PEX6: variants seen among roughly 807,000 people sequenced by gnomAD.
PEX6 encodes the protein peroxisome biogenesis factor 6.
In PEX6, 55 loss-of-function variants were observed where a neutral mutation model predicts 85.6. The observed-to-expected ratio is 0.64, with a 90% CI of 0.52 to 0.80. The LOEUF (loss-of-function observed/expected upper bound fraction) is 0.80. PEX6 is among the 30% of genes least tolerant of loss of function. PEX6 has a pLI of 0.00. For missense variants in PEX6, 1,099 were observed against 1,260.3 expected, an observed-to-expected ratio of 0.87 and a Z score of 1.94; for synonymous variants, 519 against 549.1, an observed-to-expected ratio of 0.95 and a Z score of 0.77.
chr6:42,972,727 G>A (rs988073778), intron 3 of PEX6, among the ~76,000 whole-genome samples: 5 of 146,528 alleles, frequency 3.4e-5, no homozygotes, highest in East Asian at 2.0e-4. Flanking sequence ...CCAAGATTGC[G>A]CCACTGCACT....
chr6:42,968,513 C>A lies in PEX6; in HGVS notation c.1480-15G>T. On this transcript the variant is annotated splice_polypyrimidine_tract_variant and intron_variant, in intron 6 of 16. Transcript: ENST00000304611. Reference sequence around the variant, plus strand: ...GAGCAGGGCACCTGGGGAGGGGATCCCAATGGGTCTGTGAGCAAGGGGAAA... The same window carrying A: ...GAGCAGGGCACCTGGGGAGGGGATCACAATGGGTCTGTGAGCAAGGGGAAA... 3.9e-6 allele frequency: 6 copies of A among 1,554,524 alleles called. No homozygotes were observed. The highest frequency in any genetic ancestry group is 5.2e-6 in the Non-Finnish European group (6 of 1,147,536).
At chr6:42,976,383 G>A (rs1380269596) in intron 1 of PEX6, among the ~76,000 whole-genome samples, 1 of 151,312 alleles carries the variant, frequency 6.6e-6, no homozygotes, top group African/African-American at 2.4e-5. Flanking sequence ...CTTTTTTTGA[G>A]ACAGAATCTT....
At chr6:42,977,900 A>G (rs1409487823) in intron 1 of PEX6, among the ~76,000 whole-genome samples, 10 of 144,252 alleles carry the variant, frequency 6.9e-5, no homozygotes, top group Non-Finnish European at 1.2e-4. Context: ...CTGGAGTCCA[A>G]TGGCGCGATC....
chr6:42,970,379 G>T (rs1770021791), intron 3 of PEX6, among the ~76,000 whole-genome samples: 1 of 152,224 alleles, frequency 6.6e-6, no homozygotes, highest in South Asian at 2.1e-4. Flanking sequence ...TAGGGGGAAG[G>T]GTCCCTTGGC....
At position 42,965,583 on chromosome 6, in the gene PEX6, C is replaced by T. The variant is rs149571630; in HGVS notation, c.2471+98G>A. 1.6e-4 allele frequency: 153 copies of T among 970,718 alleles called. 1 individual carries two copies. The Middle Eastern group carries it at 5.6e-3, about 35-fold the overall frequency. 60.1% of individuals were successfully genotyped at this position (970,718 alleles called of 1,614,324 possible). ...TTATATTATCTCAGAACTGAAACAG[C>T]AGGAACTTCTATCTCTGGACTCTGA... On this transcript the variant is annotated intron_variant, in intron 13 of 16. Coordinates refer to ENST00000304611, the MANE Select transcript of PEX6 (RefSeq NM_000287.4). The surrounding 1 kb of genome is among the most constrained non-coding windows in gnomAD (Gnocchi z 5.0).
chr6:42,978,599 G>T lies in PEX6; in HGVS notation c.552C>A (p.Ser184=). The change falls in exon 1 of 17, where the codon TCC becomes TCA. Residue 184 remains serine, a synonymous_variant. Coordinates refer to ENST00000304611, the MANE Select transcript of PEX6 (RefSeq NM_000287.4). ...GCCGCACTGTGCCAGAAACCGCAAA[G>T]GAGGACACCACGGGCGGGGGTGGGG... is the stretch of plus-strand genomic sequence containing the variant. ...SRPPPPPVVS[S]FAVSGTVRRL... 6.2e-7 allele frequency: 1 copy of T among 1,609,872 alleles called. No individual in the cohort carries two copies. The highest frequency in any genetic ancestry group is 8.5e-7 in the Non-Finnish European group (1 of 1,179,542).
Position 42,978,327 on chromosome 6 carries a change from G to A in PEX6, c.824C>T (p.Ala275Val). The A allele has an allele frequency of 1.2e-6, 2 of 1,614,184 alleles. No individual in the cohort carries two copies. The highest frequency in any genetic ancestry group is 1.1e-5 in the South Asian group (1 of 91,082). ...PLADGLALVPATLAFNLGCDP... is the reference protein window; with the variant it reads ...PLADGLALVPVTLAFNLGCDP... Reference sequence around the variant, plus strand: ...ACAGCCAAGATTAAAAGCCAAAGTGGCAGGGACAAGCGCCAGTCCGTCAGC... The same window carrying A: ...ACAGCCAAGATTAAAAGCCAAAGTGACAGGGACAAGCGCCAGTCCGTCAGC... Residue 275 changes from alanine (A) to valine (V), a missense_variant, in exon 1 of 17, where the codon GCC becomes GTC. Physicochemically the swap from Ala to Val is moderately conservative, Grantham distance 64 (BLOSUM62 0). Around this residue, in one of 3 missense-constraint regions of PEX6, gnomAD observed 579 missense variants for 611.6 expected, o/e 0.95. Coordinates refer to ENST00000304611, the MANE Select transcript of PEX6 (RefSeq NM_000287.4).
Position 42,970,094 on chromosome 6 carries a change from G to A in PEX6, c.1131-107C>T, listed in dbSNP as rs562208684. On this transcript the variant is annotated intron_variant, in intron 3 of 16. Transcript: ENST00000304611. ...GGACAAACAAAAGCACCACAAGAGC[G>A]TGTCCCGAGTCATGGTGGGGAAAAG... 3.2e-5 allele frequency: 27 copies of A among 842,234 alleles called. No individual in the cohort carries two copies. The East Asian group carries it at 4.6e-4, about 14-fold the overall frequency. The allele number at this position is 842,234 out of a possible 1,614,324, so 52.2% of individuals were successfully genotyped here.
chr6:42,973,204 G>A (rs1384118816), intron 3 of PEX6, among the ~76,000 whole-genome samples: 1 of 151,634 alleles, frequency 6.6e-6, no homozygotes, highest in Non-Finnish European at 1.5e-5. Context: ...TAGAGACAGG[G>A]TTTCACCATA....
intron 6 of PEX6, 34 bp from the exon 7 acceptor site, chr6:42,968,532 G>C (rs1316047759): frequency 6.6e-6 from 10 of 1,525,106 alleles, no homozygotes; most frequent in Admixed American, 2.0e-5. Flanking sequence ...CTGTGAGCAA[G>C]GGGAAAGCAT....
Position 42,978,566 on chromosome 6 carries a change from C to T in PEX6, c.585G>A (p.Gln195=). The T allele has an allele frequency of 6.2e-7, 1 of 1,612,752 alleles. No individual in the cohort carries two copies. Among genetic ancestry groups the T allele is most frequent in the South Asian group, 1.1e-5 (1 of 91,082 alleles). ...FAVSGTVRRL[Q]GVLGGTGDSL... is the part of the protein sequence containing the mutation. ...AATCTCCAGTCCCTCCCAGAACTCC[C>T]TGGAGTCGCCGCACTGTGCCAGAAA... Residue 195 remains glutamine (Q), a synonymous_variant, in exon 1 of 17, where the codon CAG becomes CAA. Coordinates refer to ENST00000304611, the MANE Select transcript of PEX6 (RefSeq NM_000287.4).
intron 2 of PEX6, among the ~76,000 whole-genome samples, chr6:42,974,312 G>C (rs560877738): frequency 5.3e-5 from 8 of 152,086 alleles, no homozygotes; most frequent in Non-Finnish European, 1.0e-4. Flanking sequence ...GCAGGATCCT[G>C]GCTCTTTTGG....
intron 5 of PEX6, 127 bp from the exon 6 acceptor site, chr6:42,969,112 C>T (rs890770379): frequency 1.4e-6 from 1 of 697,220 alleles, no homozygotes; most frequent in Admixed American, 2.1e-5. Flanking sequence ...TCCCTGACCC[C>T]AGGACAGGGC....
intron 6 of PEX6, 108 bp from the exon 7 acceptor site, chr6:42,968,606 G>A: frequency 1.9e-6 from 2 of 1,029,806 alleles, no homozygotes; most frequent in Non-Finnish European, 1.5e-6. Context: ...TTCTCTGGAG[G>A]GCAGGGACAG....
At position 42,967,341 on chromosome 6, in the gene PEX6, G is replaced by A. The variant is rs1324406752; in HGVS notation, c.1884+27C>T. On this transcript the variant is annotated intron_variant, in intron 8 of 16. Coordinates refer to ENST00000304611, the MANE Select transcript of PEX6 (RefSeq NM_000287.4). ...ACAAAAGCCAGGGACCTCCTAGGGA[G>A]GGCCAGTACTCTCCCTTGATACTCA... The A allele has an allele frequency of 3.1e-6, 5 of 1,601,214 alleles. No homozygotes were observed. The South Asian group carries it at 4.5e-5, about 14-fold the overall frequency.
rs765246602 is a variant in PEX6 at position 42,964,224 on chromosome 6, C to T, written c.*111G>A. 2.5e-5 allele frequency: 34 copies of T among 1,343,062 alleles called. No homozygotes were observed. Among genetic ancestry groups the T allele is most frequent in the Non-Finnish European group, 3.6e-5 (34 of 946,958 alleles). The allele number at this position is 1,343,062 out of a possible 1,614,324, so 83.2% of individuals were successfully genotyped here. ...GGGATCTCCTGGAGGGAGGTGGCCT[C>T]CAGGTGGGTTGGCAGCAGCCTGAGG... On this transcript the variant is annotated 3_prime_UTR_variant, in exon 17 of 17. Transcript: ENST00000304611. This position sits in a 1 kb window ranked among gnomAD's most constrained non-coding sequence, Gnocchi z 4.6.
At position 42,965,833 on chromosome 6, in the gene PEX6, T is replaced by G; in HGVS notation, c.2363-44A>C. ...CCACAGGAGGGCAAAGCTCGGCTTG[T>G]GGGGGGTTGAAGTTAGGTGAGAGCA... On this transcript the variant is annotated intron_variant, in intron 12 of 16. Coordinates refer to ENST00000304611, the MANE Select transcript of PEX6 (RefSeq NM_000287.4). This position sits in a 1 kb window ranked among gnomAD's most constrained non-coding sequence, Gnocchi z 5.0. The G allele has an allele frequency of 6.4e-7, 1 of 1,556,982 alleles. No homozygotes were observed. The highest frequency in any genetic ancestry group is 8.9e-7 in the Non-Finnish European group (1 of 1,128,978).
At chr6:42,975,116 G>A (rs1008934252) in intron 1 of PEX6, 78 bp from the exon 2 acceptor site, 7 of 1,203,864 alleles carry the variant, frequency 5.8e-6, no homozygotes, top group Non-Finnish European at 8.7e-6. Context: ...CAGCCAACAT[G>A]TCTATTTCCA....
chr6:42,966,757 C>G, intron 9 of PEX6, 25 bp downstream of exon 9: 1 of 1,614,026 alleles, frequency 6.2e-7, no homozygotes, highest in Non-Finnish European at 8.5e-7. Flanking sequence ...CTCTTTCCGC[C>G]TTTCCGGTGC....
Sources: gnomAD v4.1 joint callset for allele counts (sites outside exome capture counted in the v4.1 genomes callset) on GRCh38, gnomAD v4.1.1 for gene constraint, gnomAD v4.1.1 regional missense constraint, Gnocchi (gnomAD v3.1) non-coding constraint, MANE v1.5 for transcripts, NCBI Gene and HGNC (gene_info 2026-07-23, HGNC 2026-07-21) for gene names.